The following ELOVL6 variants were observed in gnomAD, a reference collection of about 807,000 sequenced individuals.
The protein encoded by ELOVL6 is very long chain fatty acid elongase 6.
A neutral mutation model predicts 31.7 loss-of-function variants in ELOVL6; 8 were observed. That is an observed-to-expected ratio of 0.25 (90% CI 0.15 to 0.45). The LOEUF is 0.45. Ranked by LOEUF, ELOVL6 falls within the 20% of genes least tolerant of loss-of-function variation. ELOVL6 has a pLI of 1.00. For missense variants in ELOVL6, 126 were observed against 326.4 expected (o/e 0.39, Z 4.73); for synonymous variants, 101 against 117.7 (o/e 0.86, Z 0.92).
chr4:110,158,651 ATATATATT>A (rs1419167875), intron 1 of ELOVL6, among the ~76,000 whole-genome samples: 4 of 89,938 alleles, frequency 4.4e-5, no homozygotes, highest in Middle Eastern at 4.9e-3. Flanking sequence ...ATATATATAT[ATATATATT>A]TTTTTTTTTT....
intron 1 of ELOVL6, among the ~76,000 whole-genome samples, chr4:110,144,492 T>C (rs944638840): frequency 2.0e-5 from 3 of 152,212 alleles, no homozygotes; most frequent in African/African-American, 7.2e-5. Context: ...TTTATATAAA[T>C]AATTTTTCCC....
intron 2 of ELOVL6, among the ~76,000 whole-genome samples, chr4:110,073,708 A>G (rs536476924): frequency 2.6e-5 from 4 of 152,222 alleles, no homozygotes; most frequent in South Asian, 4.2e-4. Flanking sequence ...GCTGCCCCTG[A>G]CCTCACAGCC....
At chr4:110,113,456 G>T (rs1485064812) in intron 1 of ELOVL6, among the ~76,000 whole-genome samples, 2 of 151,760 alleles carry the variant, frequency 1.3e-5, no homozygotes, top group Non-Finnish European at 2.9e-5. Flanking sequence ...AGTGGTGCAT[G>T]CCTGTAGTCC....
intron 2 of ELOVL6, among the ~76,000 whole-genome samples, chr4:110,080,833 C>T (rs539173363): frequency 1.6e-4 from 24 of 152,082 alleles, no homozygotes; most frequent in African/African-American, 5.5e-4. Flanking sequence ...GATTGTATAT[C>T]TAGAAAACCC....
intron 1 of ELOVL6, among the ~76,000 whole-genome samples, chr4:110,106,277 C>T (rs1756887479): frequency 6.6e-6 from 1 of 152,144 alleles, no homozygotes; most frequent in African/African-American, 2.4e-5. Flanking sequence ...TTGCTTGAAA[C>T]CAGAAGGCAG....
At chr4:110,163,300 A>AC (rs1476041813) in intron 1 of ELOVL6, among the ~76,000 whole-genome samples, 1 of 151,622 alleles carries the variant, frequency 6.6e-6, no homozygotes, top group Admixed American at 6.6e-5. Flanking sequence ...GCTTTCCCTG[A>AC]CCCCCTAGCT....
chr4:110,063,323 C>G (rs570032111), intron 2 of ELOVL6, among the ~76,000 whole-genome samples: 1 of 152,146 alleles, frequency 6.6e-6, no homozygotes, highest in African/African-American at 2.4e-5. Flanking sequence ...AGGCCTGCTC[C>G]TGGTGTGGCG....
At chr4:110,176,465 G>A (rs528149207) in intron 1 of ELOVL6, among the ~76,000 whole-genome samples, 1 of 152,132 alleles carries the variant, frequency 6.6e-6, no homozygotes, top group East Asian at 1.9e-4. Flanking sequence ...TAGCCTCAAA[G>A]TTTCTATTTT....
At chr4:110,120,844 T>G (rs1002859860) in intron 1 of ELOVL6, among the ~76,000 whole-genome samples, 4 of 138,838 alleles carry the variant, frequency 2.9e-5, no homozygotes, top group Admixed American at 8.3e-5. Context: ...TCTATCCCCC[T>G]GGCTGGAGTG....
intron 1 of ELOVL6, among the ~76,000 whole-genome samples, chr4:110,178,135 C>T (rs1759165277): frequency 6.6e-6 from 1 of 152,158 alleles, no homozygotes; most frequent in Admixed American, 6.6e-5. Context: ...AACAAATTCT[C>T]TCATTTACAG....
chr4:110,156,935 G>A (rs1043379904), intron 1 of ELOVL6, among the ~76,000 whole-genome samples: 12 of 152,138 alleles, frequency 7.9e-5, no homozygotes, highest in Admixed American at 3.3e-4. Flanking sequence ...GGATATTTGC[G>A]GTTAAAAGAA....
At chr4:110,120,793 CTTTTCTTTTT>C (rs1757327503) in intron 1 of ELOVL6, among the ~76,000 whole-genome samples, 1 of 128,954 alleles carries the variant, frequency 7.8e-6, no homozygotes, top group African/African-American at 2.7e-5. Context: ...TCTTTTTTTT[CTTTTCTTTTT>C]TTTTTTTTTT....
chr4:110,115,982 T>C (rs1043773796), intron 1 of ELOVL6, among the ~76,000 whole-genome samples: 1 of 152,178 alleles, frequency 6.6e-6, no homozygotes, highest in Non-Finnish European at 1.5e-5. Flanking sequence ...GCTGTTTCCA[T>C]GGTCACGTCA....
At chr4:110,161,659 C>T (rs1042842630) in intron 1 of ELOVL6, among the ~76,000 whole-genome samples, 4 of 152,078 alleles carry the variant, frequency 2.6e-5, no homozygotes, top group African/African-American at 9.7e-5. Context: ...TTCCTAAGAA[C>T]GAGAAGGCTT....
intron 2 of ELOVL6, among the ~76,000 whole-genome samples, chr4:110,074,650 T>C (rs1039449874): frequency 6.6e-6 from 1 of 152,186 alleles, no homozygotes; most frequent in Non-Finnish European, 1.5e-5. Context: ...TCAGGAAATA[T>C]ATATTATAGT....
intron 3 of ELOVL6, among the ~76,000 whole-genome samples, chr4:110,054,357 A>G (rs1754919753): frequency 6.6e-6 from 1 of 152,162 alleles, no homozygotes; most frequent in East Asian, 1.9e-4. Flanking sequence ...TGTATCTGTC[A>G]GAGATCCACC....
chr4:110,158,233 T>A (rs1448519389), intron 1 of ELOVL6, among the ~76,000 whole-genome samples: 1 of 152,188 alleles, frequency 6.6e-6, no homozygotes, highest in African/African-American at 2.4e-5. Context: ...TCACTACATA[T>A]TCATCCATCT....
chr4:110,140,982 C>A (rs993978619), intron 1 of ELOVL6, among the ~76,000 whole-genome samples: 1 of 151,952 alleles, frequency 6.6e-6, no homozygotes. Flanking sequence ...CGGCAGCTTA[C>A]GGGATTGTTG....
intron 2 of ELOVL6, among the ~76,000 whole-genome samples, chr4:110,091,495 C>T (rs1297153846): frequency 6.6e-6 from 1 of 152,176 alleles, no homozygotes; most frequent in Non-Finnish European, 1.5e-5. Context: ...TTTTACCTAC[C>T]TATCTATCTG....
Sources: allele counts gnomAD v4.1 joint callset (sites outside exome capture counted in the v4.1 genomes callset), GRCh38; gene constraint gnomAD v4.1.1; transcripts MANE v1.5; gene names NCBI Gene and HGNC (gene_info 2026-07-23, HGNC 2026-07-21).